PCDH9: variants seen among roughly 807,000 people sequenced by gnomAD.
PCDH9 encodes protocadherin 9.
PCDH9 carries 24 observed loss-of-function variants against 70.6 expected under a neutral mutation model. The ratio of observed to expected loss-of-function variants is 0.34; its 90% CI spans 0.25 to 0.48. The LOEUF is 0.48. PCDH9 is among the 20% of genes least tolerant of loss of function. The probability of loss-of-function intolerance (pLI) is 0.99; values close to 1 mark genes in which losing one functional copy is unlikely to be tolerated. For synonymous variants in PCDH9, 562 were observed against 558.5 expected (o/e 1.01, Z -0.09); for missense variants, 1,281 against 1,503.6 (o/e 0.85, Z 2.45).
intron 4 of PCDH9, among the ~76,000 whole-genome samples, chr13:66,606,842 A>T (rs2077228307): frequency 6.6e-6 from 1 of 152,092 alleles, no homozygotes; most frequent in Non-Finnish European, 1.5e-5. Context: ...CCATCTAAAC[A>T]TTGCATAAGC....
chr13:67,110,009 C>A (rs972293601), intron 2 of PCDH9, among the ~76,000 whole-genome samples: 1 of 152,034 alleles, frequency 6.6e-6, no homozygotes, highest in Non-Finnish European at 1.5e-5. Context: ...TAGAGAAATA[C>A]ATCGGTCCTT....
intron 2 of PCDH9, among the ~76,000 whole-genome samples, chr13:66,919,194 T>C (rs184095283): frequency 9.3e-5 from 14 of 151,350 alleles, no homozygotes; most frequent in Non-Finnish European, 1.3e-4. Flanking sequence ...GCAATATATA[T>C]CTAAGTGATG....
chr13:66,739,293 A>G (rs2139195585), intron 3 of PCDH9, among the ~76,000 whole-genome samples: 1 of 119,712 alleles, frequency 8.4e-6, no homozygotes, highest in South Asian at 3.2e-4. Flanking sequence ...GCAAATGCTG[A>G]GAGATTTTGT....
At chr13:66,658,738 A>C (rs1450493945) in intron 3 of PCDH9, among the ~76,000 whole-genome samples, 1 of 152,186 alleles carries the variant, frequency 6.6e-6, no homozygotes. Context: ...AATGGTATAT[A>C]AAATGATGAT....
chr13:66,603,712 T>C (rs542908200), intron 4 of PCDH9, among the ~76,000 whole-genome samples: 1 of 152,014 alleles, frequency 6.6e-6, no homozygotes, highest in South Asian at 2.1e-4. Context: ...ATGGCATGTA[T>C]CTGGTGCCCC....
intron 2 of PCDH9, among the ~76,000 whole-genome samples, chr13:67,089,906 A>G (rs2086183759): frequency 6.6e-6 from 1 of 151,950 alleles, no homozygotes; most frequent in South Asian, 2.1e-4. Context: ...AACTACAATG[A>G]TTCACACTTG....
At chr13:66,910,306 C>T (rs921270682) in intron 2 of PCDH9, among the ~76,000 whole-genome samples, 1 of 152,154 alleles carries the variant, frequency 6.6e-6, no homozygotes, top group Non-Finnish European at 1.5e-5. Context: ...AGTCTTCTGG[C>T]ACAGGCCATT....
chr13:66,820,812 G>A (rs943851749), intron 3 of PCDH9, among the ~76,000 whole-genome samples: 3 of 152,032 alleles, frequency 2.0e-5, no homozygotes, highest in African/African-American at 7.2e-5. Context: ...AACACATAGA[G>A]GGGAGCAACA....
chr13:67,206,997 G>A (rs1437598334), intron 2 of PCDH9: 5 of 152,034 alleles, frequency 3.3e-5, no homozygotes, highest in Admixed American at 6.6e-5. Context: ...GAATCGTACT[G>A]CCTAAAAGAT....
chr13:66,997,823 G>T (rs1024691936), intron 2 of PCDH9, among the ~76,000 whole-genome samples: 1 of 152,106 alleles, frequency 6.6e-6, no homozygotes, highest in Non-Finnish European at 1.5e-5. Flanking sequence ...ATGAGCCACC[G>T]CGCCTGGACT....
intron 2 of PCDH9, chr13:66,914,623 G>C (rs1370658977): frequency 6.6e-6 from 1 of 151,818 alleles, no homozygotes; most frequent in African/African-American, 2.4e-5. Flanking sequence ...CTATGTGATT[G>C]TATACTCTCC....
chr13:67,081,330 A>T (rs7984967), intron 2 of PCDH9, among the ~76,000 whole-genome samples: 32,289 of 152,140 alleles, frequency 0.21, 3,682 homozygotes, highest in Admixed American at 0.28. Flanking sequence ...GCACTTTGTG[A>T]GGCCCAGGCA....
At chr13:66,671,061 T>A (rs1203985854) in intron 3 of PCDH9, among the ~76,000 whole-genome samples, 3 of 152,128 alleles carry the variant, frequency 2.0e-5, no homozygotes, top group African/African-American at 4.8e-5. Context: ...TCCCATTCTG[T>A]TCTCATGATA....
At chr13:66,821,725 G>A (rs1037719073) in intron 3 of PCDH9, among the ~76,000 whole-genome samples, 7 of 152,072 alleles carry the variant, frequency 4.6e-5, no homozygotes, top group Non-Finnish European at 8.8e-5. Context: ...TGTTTCATAC[G>A]AAATCATTAT....
intron 3 of PCDH9, among the ~76,000 whole-genome samples, chr13:66,785,402 G>A (rs979818938): frequency 1.3e-5 from 2 of 151,626 alleles, no homozygotes; most frequent in African/African-American, 2.4e-5. Flanking sequence ...ACTCTTCATC[G>A]TACCTTTACT....
intron 3 of PCDH9, among the ~76,000 whole-genome samples, chr13:66,778,031 A>G (rs1362635798): frequency 6.6e-6 from 1 of 151,146 alleles, no homozygotes; most frequent in Non-Finnish European, 1.5e-5. Context: ...CTATCGCAAG[A>G]ACAAAAAACC....
intron 2 of PCDH9, among the ~76,000 whole-genome samples, chr13:67,191,854 A>T (rs2088923232): frequency 6.6e-6 from 1 of 152,154 alleles, no homozygotes; most frequent in African/African-American, 2.4e-5. Context: ...TAACTCAAAG[A>T]TGAAGAGTCC....
intron 2 of PCDH9, among the ~76,000 whole-genome samples, chr13:66,957,530 A>G (rs1385821647): frequency 6.6e-6 from 1 of 152,192 alleles, no homozygotes; most frequent in Non-Finnish European, 1.5e-5. Context: ...GTTGCTGGGA[A>G]CTGAAATGAA....
chr13:67,195,296 C>T (rs973145102), intron 2 of PCDH9, among the ~76,000 whole-genome samples: 5 of 152,070 alleles, frequency 3.3e-5, no homozygotes, highest in Admixed American at 1.3e-4. Flanking sequence ...AGGCGCCCTC[C>T]ACCACGCCCC....
Sources: allele counts gnomAD v4.1 joint callset (sites outside exome capture counted in the v4.1 genomes callset), GRCh38; gene constraint gnomAD v4.1.1; transcripts MANE v1.5; gene names NCBI Gene and HGNC (gene_info 2026-07-23, HGNC 2026-07-21).